Variants in CCDC33 observed in about 807,000 individuals in gnomAD.
CCDC33 encodes coiled-coil domain containing 33, also known as coiled-coil domain-containing protein 33.
CCDC33 carries 94 observed loss-of-function variants against 91.9 expected under a neutral mutation model. The ratio of observed to expected loss-of-function variants is 1.02; its 90% CI spans 0.87 to 1.21. The LOEUF is 1.21. CCDC33 is among the 50% of genes most tolerant of loss of function. The probability of loss-of-function intolerance (pLI) is 0.00; values close to 1 mark genes in which losing one functional copy is unlikely to be tolerated. For missense variants in CCDC33, 940 were observed against 935.5 expected, an observed-to-expected ratio of 1.00 and a Z score of -0.06; for synonymous variants, 396 against 374.5, an observed-to-expected ratio of 1.06 and a Z score of -0.66.
Position 74,218,509 on chromosome 15 carries a change from A to G in CCDC33, c.323A>G (p.Asn108Ser), listed in dbSNP as rs2074505172. ...TTCCCTCATCCAGGTTTCTGCAAGA[A>G]TGACGGGCAGCATGATGCTCAGCTG... The change falls in exon 2 of 3, where the codon AAT becomes AGT. Residue 108 changes from asparagine (N) to serine (S), a missense_variant. Transcript: ENST00000635913. The surrounding 1 kb of genome is among the most constrained non-coding windows in gnomAD (Gnocchi z 4.8). 1 of 1,285,582 alleles carries G rather than the reference A, an allele frequency of 7.8e-7. No homozygotes were observed. Among genetic ancestry groups the G allele is most frequent in the Non-Finnish European group, 1.0e-6 (1 of 986,300 alleles). The allele number at this position is 1,285,582 out of a possible 1,614,324, so 79.6% of individuals were successfully genotyped here.
At chr15:74,210,347 A>C (rs943651544) in intron 2 of CCDC33, among the ~76,000 whole-genome samples, 1 of 152,260 alleles carries the variant, frequency 6.6e-6, no homozygotes, top group African/African-American at 2.4e-5. Flanking sequence ...TTGCTGATAA[A>C]AAGAATGAGG....
intron 3 of CCDC33, among the ~76,000 whole-genome samples, chr15:74,265,363 C>G (rs887662760): frequency 6.6e-6 from 1 of 152,180 alleles, no homozygotes; most frequent in East Asian, 1.9e-4. Context: ...CTTACCTCAT[C>G]TCTCTCATTC....
chr15:74,314,639 A>G (rs925739969), intron 11 of CCDC33, among the ~76,000 whole-genome samples: 2 of 152,134 alleles, frequency 1.3e-5, no homozygotes, highest in Non-Finnish European at 1.5e-5. Flanking sequence ...CACTGGCATC[A>G]TGACGAGCCC....
chr15:74,287,219 C>T (rs2142537275), intron 10 of CCDC33, among the ~76,000 whole-genome samples: 1 of 152,356 alleles, frequency 6.6e-6, no homozygotes, highest in African/African-American at 2.4e-5. Flanking sequence ...ACAGCAGTCT[C>T]CTCCACTGGT....
intron 10 of CCDC33, among the ~76,000 whole-genome samples, chr15:74,282,687 G>A (rs75458323): frequency 0.13 from 19,928 of 152,116 alleles, 1,463 homozygotes; most frequent in East Asian, 0.26. Flanking sequence ...AATCTTGGAG[G>A]CCCGTTTTTG....
intron 2 of CCDC33, among the ~76,000 whole-genome samples, chr15:74,249,742 C>T (rs2075648103): frequency 6.6e-6 from 1 of 152,140 alleles, no homozygotes; most frequent in African/African-American, 2.4e-5. Flanking sequence ...GCCTGCCTAT[C>T]AGACACCCAA....
Position 74,334,031 on chromosome 15 carries a change from TCA to T in CCDC33, c.2025+65_2025+66del, listed in dbSNP as rs901696031. ...TCACCACACAGCCTATAACCAGGGC[TCA>T]GTGTGTGAGCAGAGTCTAGGCTCAA... is the stretch of plus-strand genomic sequence containing the variant. On this transcript the variant is annotated intron_variant, in intron 17 of 18. Transcript: ENST00000398814. 28 of 1,400,414 alleles carry T rather than the reference TCA, an allele frequency of 2.0e-5. No individual in the cohort carries two copies. In the African/African-American group the frequency reaches 3.7e-4, roughly 18 times the overall value. 86.7% of individuals were successfully genotyped at this position (1,400,414 alleles called of 1,614,324 possible). A position where few individuals can be genotyped will look rare whatever the true frequency, so the allele number is the denominator to read the frequency against.
At chr15:74,330,033 C>T (rs984262735) in intron 11 of CCDC33, among the ~76,000 whole-genome samples, 156 bp from the exon 12 acceptor site, 1 of 152,140 alleles carries the variant, frequency 6.6e-6, no homozygotes, top group Non-Finnish European at 1.5e-5. Flanking sequence ...TCATAACCAC[C>T]CTTCCAGGGA....
chr15:74,331,145 C>T, intron 14 of CCDC33, 33 bp downstream of exon 14: 1 of 1,613,600 alleles, frequency 6.2e-7, no homozygotes, highest in Non-Finnish European at 8.5e-7. Flanking sequence ...CCGAGGCCAA[C>T]TGATGATGGC....
At chr15:74,245,339 G>T (rs562250356) in intron 2 of CCDC33, among the ~76,000 whole-genome samples, 16 of 152,290 alleles carry the variant, frequency 1.1e-4, no homozygotes, top group Non-Finnish European at 2.1e-4. Flanking sequence ...AGAGCAACAG[G>T]TGAAACACTT....
intron 10 of CCDC33, among the ~76,000 whole-genome samples, chr15:74,284,564 G>A (rs181307196): frequency 8.4e-4 from 128 of 151,984 alleles, no homozygotes; most frequent in South Asian, 1.2e-3. Context: ...TGGATTTTAG[G>A]AATATTACAC....
intron 1 of CCDC33, among the ~76,000 whole-genome samples, chr15:74,240,733 C>G (rs894547502): frequency 6.6e-6 from 1 of 152,168 alleles, no homozygotes; most frequent in African/African-American, 2.4e-5. Context: ...GCTGGGATTA[C>G]AGCCTCATGC....
chr15:74,272,528 T>A (rs1400805920), intron 6 of CCDC33, among the ~76,000 whole-genome samples: 22 of 152,312 alleles, frequency 1.4e-4, no homozygotes, highest in Non-Finnish European at 1.5e-5. Context: ...ACTCCCCTAC[T>A]TCTCTGTATC....
At chr15:74,221,309 T>C (rs1444356475) in intron 2 of CCDC33, 4 of 963,016 alleles carry the variant, frequency 4.2e-6, no homozygotes, top group Non-Finnish European at 4.8e-6. Context: ...TGAGCAGGAA[T>C]GCAATAATCA....
chr15:74,336,249 C>T (rs868205434), downstream of CCDC33: 19 of 1,423,302 alleles, frequency 1.3e-5, no homozygotes, highest in Middle Eastern at 1.9e-4. Context: ...TACAGCCTCC[C>T]GCCTGCCCCA....
intron 1 of CCDC33, among the ~76,000 whole-genome samples, 175 bp downstream of exon 1, chr15:74,236,915 T>G (rs2075178014): frequency 6.6e-6 from 1 of 152,246 alleles, no homozygotes; most frequent in Non-Finnish European, 1.5e-5. Flanking sequence ...CCAGGTTAGC[T>G]GCCCTATACT....
chr15:74,279,580 G>A (rs899312507), intron 7 of CCDC33, among the ~76,000 whole-genome samples: 1 of 152,068 alleles, frequency 6.6e-6, no homozygotes, highest in African/African-American at 2.4e-5. Context: ...CTGTCACCCA[G>A]GCTGGAGTAC....
intron 17 of CCDC33, among the ~76,000 whole-genome samples, chr15:74,334,627 G>A (rs1235477904): frequency 6.6e-6 from 1 of 152,088 alleles, no homozygotes; most frequent in Non-Finnish European, 1.5e-5. Context: ...CCAGGGTTAG[G>A]GTTCTGTGTA....
intron 4 of CCDC33, 118 bp downstream of exon 4, chr15:74,266,905 T>G: frequency 1.4e-6 from 1 of 693,466 alleles, no homozygotes; most frequent in Non-Finnish European, 2.6e-6. Flanking sequence ...ATGACAAGTC[T>G]AGGACCATGT....
Sources: gnomAD v4.1 joint callset for allele counts (sites outside exome capture counted in the v4.1 genomes callset) on GRCh38, gnomAD v4.1.1 for gene constraint, Gnocchi (gnomAD v3.1) non-coding constraint, MANE v1.5 for transcripts, NCBI Gene and HGNC (gene_info 2026-07-23, HGNC 2026-07-21) for gene names.